CADM2: variants seen among roughly 807,000 people sequenced by gnomAD.
CADM2 encodes immunoglobulin superfamily member 4D.
In CADM2, 12 loss-of-function variants were observed where a neutral mutation model predicts 49.8. The observed-to-expected ratio is 0.24, with a 90% confidence interval of 0.15 to 0.39. The LOEUF is 0.39. CADM2 is among the 10% of genes least tolerant of loss of function. CADM2 has a pLI of 1.00. For synonymous variants in CADM2, 214 were observed against 175.4 expected, an observed-to-expected ratio of 1.22 and a Z score of -1.74; for missense variants, 378 against 492.3, an observed-to-expected ratio of 0.77 and a Z score of 2.20.
intron 1 of CADM2, among the ~76,000 whole-genome samples, chr3:85,269,174 A>G (rs913382267): frequency 2.6e-5 from 4 of 151,424 alleles, no homozygotes; most frequent in Non-Finnish European, 4.4e-5. Flanking sequence ...AGACTGTAAT[A>G]AAAATTAAGC....
intron 8 of CADM2, among the ~76,000 whole-genome samples, chr3:86,025,048 G>T (rs920891973): frequency 6.7e-6 from 1 of 148,844 alleles, no homozygotes; most frequent in Non-Finnish European, 1.5e-5. Context: ...CTGACTAGTT[G>T]TTTTTTTTTG....
At chr3:85,175,919 C>CTTTTTT (rs11329456) in intron 1 of CADM2, among the ~76,000 whole-genome samples, 1,509 of 76,262 alleles carry the variant, frequency 0.02, 200 homozygotes, top group African/African-American at 0.05. Context: ...ATGTCCTAAT[C>CTTTTTT]TTTTTTTTTT....
At chr3:86,039,471 G>T (rs1332990645) in intron 8 of CADM2, among the ~76,000 whole-genome samples, 1 of 152,178 alleles carries the variant, frequency 6.6e-6, no homozygotes, top group African/African-American at 2.4e-5. Flanking sequence ...CACGCCCACG[G>T]AGCCTCACTC....
At chr3:85,298,458 A>C (rs2044019443) in intron 1 of CADM2, among the ~76,000 whole-genome samples, 1 of 152,070 alleles carries the variant, frequency 6.6e-6, no homozygotes, top group African/African-American at 2.4e-5. Context: ...TTGAAAATGC[A>C]TGTATACTTA....
chr3:85,938,793 G>A (rs72910559), intron 7 of CADM2, among the ~76,000 whole-genome samples: 5,784 of 151,748 alleles, frequency 0.038, 364 homozygotes, highest in African/African-American at 0.13. Context: ...GTATAAGTAA[G>A]CACTTAATTT....
intron 1 of CADM2, among the ~76,000 whole-genome samples, chr3:85,724,462 G>C (rs2067615807): frequency 1.3e-5 from 2 of 151,356 alleles, no homozygotes; most frequent in Non-Finnish European, 3.0e-5. Context: ...TTGCAAAACT[G>C]TTGTTAGCAA....
At chr3:85,590,757 G>A (rs2063084186) in intron 1 of CADM2, among the ~76,000 whole-genome samples, 1 of 151,728 alleles carries the variant, frequency 6.6e-6, no homozygotes, top group Admixed American at 6.6e-5. Context: ...ATATAAATTA[G>A]TCTATTGACA....
intron 1 of CADM2, among the ~76,000 whole-genome samples, chr3:85,609,579 C>T (rs115691778): frequency 1.3e-5 from 2 of 152,098 alleles, no homozygotes; most frequent in Middle Eastern, 6.8e-3. Context: ...AATTAAAAAG[C>T]CTTCAGTATA....
In CADM2 at chr3:85,031,588, C is replaced by T. The variant is rs1007851316; in HGVS notation, c.61+71920C>T. Among the ~76,000 whole-genome samples the T allele has an allele frequency of 2.6e-5, 4 of 152,168 alleles. No individual in the cohort carries two copies. In the South Asian group the frequency reaches 6.2e-4, roughly 24 times the overall value. On this transcript the variant is annotated intron_variant, in intron 1 of 9. Transcript: ENST00000383699. Reference sequence around the variant, plus strand: ...GGAGTGCAGTGGCGCGATCTCGGCTCACTGCAAGCTCCGCCTCCCGGGTTC... The same window carrying T: ...GGAGTGCAGTGGCGCGATCTCGGCTTACTGCAAGCTCCGCCTCCCGGGTTC...
At chr3:85,182,437 G>T (rs1166728976) in intron 1 of CADM2, among the ~76,000 whole-genome samples, 1 of 152,010 alleles carries the variant, frequency 6.6e-6, no homozygotes, top group Non-Finnish European at 1.5e-5. Context: ...CCTTGTGGTA[G>T]TCTTTACTAA....
intron 1 of CADM2, among the ~76,000 whole-genome samples, chr3:85,532,969 A>G (rs957271572): frequency 6.6e-6 from 1 of 152,208 alleles, no homozygotes; most frequent in African/African-American, 2.4e-5. Context: ...AGTCATGGAC[A>G]CATAGATGGG....
chr3:85,909,632 G>A (rs937325160), intron 5 of CADM2, among the ~76,000 whole-genome samples: 4 of 152,056 alleles, frequency 2.6e-5, no homozygotes, highest in African/African-American at 7.2e-5. Flanking sequence ...TACTGAATGC[G>A]AATCTGCATT....
At chr3:85,999,264 CGA>C (rs1553720504) in intron 8 of CADM2, among the ~76,000 whole-genome samples, 4 of 135,096 alleles carry the variant, frequency 3.0e-5, no homozygotes, top group Non-Finnish European at 3.2e-5. Context: ...TTTGGGAGGC[CGA>C]GGGTTGGGGG....
intron 1 of CADM2, among the ~76,000 whole-genome samples, chr3:85,281,234 G>A (rs1305089483): frequency 1.3e-5 from 2 of 151,766 alleles, no homozygotes; most frequent in Non-Finnish European, 1.5e-5. Context: ...ATGGAGAAGT[G>A]TTTATCTAAA....
intron 1 of CADM2, among the ~76,000 whole-genome samples, chr3:85,267,651 T>C (rs1380893960): frequency 1.3e-5 from 2 of 151,572 alleles, no homozygotes; most frequent in Non-Finnish European, 3.0e-5. Flanking sequence ...CTTAGAGCAA[T>C]GTCTGGTATA....
At chr3:85,521,410 C>T (rs749196209) in intron 1 of CADM2, among the ~76,000 whole-genome samples, 4 of 152,064 alleles carry the variant, frequency 2.6e-5, no homozygotes, top group East Asian at 3.9e-4. Context: ...TACGGCTATA[C>T]GCTTATCGAT....
At chr3:85,778,782 TCA>T (rs944409172) in intron 2 of CADM2, among the ~76,000 whole-genome samples, 15 of 152,194 alleles carry the variant, frequency 9.9e-5, no homozygotes, top group African/African-American at 3.6e-4. Context: ...TGTCACCCTC[TCA>T]CTTAGCCTCA....
intron 1 of CADM2, among the ~76,000 whole-genome samples, chr3:85,397,301 A>T (rs2163970): frequency 6.6e-6 from 1 of 152,086 alleles, no homozygotes; most frequent in African/African-American, 2.4e-5. Flanking sequence ...TCTGTGCATC[A>T]CTGTGGAACA....
chr3:85,548,499 A>G (rs1194467680), intron 1 of CADM2, among the ~76,000 whole-genome samples: 5 of 151,980 alleles, frequency 3.3e-5, no homozygotes, highest in Non-Finnish European at 7.4e-5. Context: ...TCAAGGGGAA[A>G]AAGAAGCCTA....
Sources: allele counts gnomAD v4.1 joint callset (sites outside exome capture counted in the v4.1 genomes callset), GRCh38; gene constraint gnomAD v4.1.1; transcripts MANE v1.5; gene names NCBI Gene and HGNC (gene_info 2026-07-23, HGNC 2026-07-21).